The following GXYLT1 variants were observed in gnomAD, a reference collection of about 807,000 sequenced individuals.
GXYLT1 encodes the protein glycosyltransferase 8 domain containing 3.
GXYLT1 carries 29 observed loss-of-function variants against 54.0 expected under a neutral mutation model. That is an observed-to-expected ratio of 0.54 (90% confidence interval 0.40 to 0.73). The LOEUF (loss-of-function observed/expected upper bound fraction) is 0.73, where lower values mean the gene tolerates loss of function less well. Among genes scored for constraint, GXYLT1 ranks in the 30% least tolerant of loss-of-function variants. The pLI is 0.00. For synonymous variants in GXYLT1, 176 were observed against 204.1 expected, an observed-to-expected ratio of 0.86 and a Z score of 1.17; for missense variants, 490 against 553.4, an observed-to-expected ratio of 0.89 and a Z score of 1.15.
chr12:42,139,479 C>G (rs1405917126), intron 1 of GXYLT1, among the ~76,000 whole-genome samples: 2 of 151,978 alleles, frequency 1.3e-5, no homozygotes, highest in African/African-American at 2.4e-5. Context: ...AGTGGGGGGC[C>G]TTATAAAAGG....
At position 42,087,585 on chromosome 12, in the gene GXYLT1, T is replaced by G. The variant is rs770372952; in HGVS notation, c.*201A>C. 6.1e-6 allele frequency: 3 copies of G among 489,216 alleles called. No individual in the cohort carries two copies. Among genetic ancestry groups the G allele is most frequent in the South Asian group, 2.5e-5 (1 of 40,186 alleles). The allele number at this position is 489,216 out of a possible 1,614,324, so 30.3% of individuals were successfully genotyped here. A position where few individuals can be genotyped will look rare whatever the true frequency, so the allele number is the denominator to read the frequency against. On this transcript the variant is annotated 3_prime_UTR_variant, in exon 8 of 8. Coordinates refer to ENST00000398675, the MANE Select transcript of GXYLT1 (RefSeq NM_173601.2). ...AAGTAACATTACAAAACATCAGAGA[T>G]AAAAAATGTTCAATGTTGAGGCCCA...
At chr12:42,101,954 G>A (rs931520710) in intron 5 of GXYLT1, among the ~76,000 whole-genome samples, 17 of 152,160 alleles carry the variant, frequency 1.1e-4, no homozygotes, top group African/African-American at 3.9e-4. Flanking sequence ...AAAGTGTGAA[G>A]AGATATGTCA....
In GXYLT1 at chr12:42,144,455, G is replaced by A. The variant is rs899632278; in HGVS notation, c.192C>T (p.Gly64=). The change falls in exon 1 of 8, where the codon GGC becomes GGT. Residue 64 remains glycine, a synonymous_variant. Transcript: ENST00000398675. ...RGAVRGAGVA[G]PAAHPGVSDR... is the part of the protein sequence containing the mutation. Reference sequence around the variant, plus strand: ...CCGACACGCCGGGATGCGCTGCGGGGCCCGCGACGCCGGCGCCTCTCACGG... The same window carrying A: ...CCGACACGCCGGGATGCGCTGCGGGACCCGCGACGCCGGCGCCTCTCACGG... 15 of 1,274,856 alleles carry A rather than the reference G, an allele frequency of 1.2e-5. No homozygotes were observed. The South Asian group carries it at 1.3e-4, about 11-fold the overall frequency. 79.0% of individuals were successfully genotyped at this position (1,274,856 alleles called of 1,614,324 possible).
intron 2 of GXYLT1, among the ~76,000 whole-genome samples, chr12:42,127,348 T>C (rs1189139023): frequency 9.5e-6 from 1 of 105,034 alleles, no homozygotes; most frequent in Non-Finnish European, 2.1e-5. Flanking sequence ...ACACAAAATG[T>C]TTGCTTTTTT....
chr12:42,092,831 T>A (rs1487567547), intron 7 of GXYLT1, among the ~76,000 whole-genome samples: 2 of 151,716 alleles, frequency 1.3e-5, no homozygotes, highest in Non-Finnish European at 2.9e-5. Context: ...ACACATAAAA[T>A]ACACTAACGC....
rs560482231 is a variant in GXYLT1 at position 42,139,037 on chromosome 12, C to CAA, written c.221+5387_221+5388dup. Among the ~76,000 whole-genome samples, 72 of 129,910 alleles carry CAA rather than the reference C, an allele frequency of 5.5e-4. No individual in the cohort carries two copies. The East Asian group carries it at 0.013, about 24-fold the overall frequency. The allele number at this position is 129,910 out of a possible 152,430, so 85.2% of individuals were successfully genotyped here. On this transcript the variant is annotated intron_variant, in intron 1 of 7. Transcript: ENST00000398675. Reference sequence around the variant, plus strand: ...TGGGCAATGGAGCGAGACTCTGTCTCAAAAAAAAAAAAAGCCAGGTGTGGT... The same window carrying CAA: ...TGGGCAATGGAGCGAGACTCTGTCTCAAAAAAAAAAAAAAAGCCAGGTGTGGT...
intron 3 of GXYLT1, among the ~76,000 whole-genome samples, chr12:42,115,962 C>G (rs148080972): frequency 0.18 from 25,869 of 145,610 alleles, 2,613 homozygotes; most frequent in Non-Finnish European, 0.19. Flanking sequence ...ACAGAGCCCT[C>G]AGAAATAATG....
intron 3 of GXYLT1, among the ~76,000 whole-genome samples, chr12:42,111,758 T>A (rs2065457784): frequency 6.6e-6 from 1 of 152,228 alleles, no homozygotes. Context: ...CAGACTTAAA[T>A]GTCCCTCTCT....
At chr12:42,111,089 C>T (rs2065451343) in intron 3 of GXYLT1, among the ~76,000 whole-genome samples, 1 of 152,248 alleles carries the variant, frequency 6.6e-6, no homozygotes, top group East Asian at 1.9e-4. Context: ...CAGTCTATTA[C>T]TATTCTCTTA....
intron 3 of GXYLT1, among the ~76,000 whole-genome samples, chr12:42,115,406 C>T (rs973588144): frequency 1.3e-5 from 2 of 152,164 alleles, no homozygotes; most frequent in African/African-American, 4.8e-5. Context: ...AAAAACTCCT[C>T]AAGCTGATAA....
At chr12:42,116,388 A>G (rs1035667519) in intron 3 of GXYLT1, among the ~76,000 whole-genome samples, 4 of 152,248 alleles carry the variant, frequency 2.6e-5, no homozygotes, top group Non-Finnish European at 4.4e-5. Context: ...TCATCTGACA[A>G]AGGGCTAATA....
At chr12:42,131,690 T>TGATTA (rs1309406605) in intron 1 of GXYLT1, among the ~76,000 whole-genome samples, 1 of 152,208 alleles carries the variant, frequency 6.6e-6, no homozygotes, top group East Asian at 1.9e-4. Flanking sequence ...ACTTATGACT[T>TGATTA]GATTAGAAAA....
At chr12:42,116,455 C>T (rs2065495581) in intron 3 of GXYLT1, among the ~76,000 whole-genome samples, 1 of 152,058 alleles carries the variant, frequency 6.6e-6, no homozygotes, top group Admixed American at 6.6e-5. Flanking sequence ...ACCCCATCAA[C>T]AAGTGGGCGA....
At chr12:42,134,168 C>G (rs528870562) in intron 1 of GXYLT1, among the ~76,000 whole-genome samples, 15 of 151,854 alleles carry the variant, frequency 9.9e-5, no homozygotes, top group Non-Finnish European at 2.1e-4. Flanking sequence ...CCAATGCACA[C>G]CAGGTCTGGG....
chr12:42,133,082 A>G (rs1372842639), intron 1 of GXYLT1, among the ~76,000 whole-genome samples: 2 of 152,138 alleles, frequency 1.3e-5, no homozygotes, highest in Non-Finnish European at 2.9e-5. Flanking sequence ...CAGGAGTTTG[A>G]GAATGGCCTG....
chr12:42,100,268 T>C (rs996607737), intron 5 of GXYLT1, among the ~76,000 whole-genome samples: 1 of 152,190 alleles, frequency 6.6e-6, no homozygotes, highest in African/African-American at 2.4e-5. Context: ...TGCTACTATG[T>C]AAATTTTTTC....
In GXYLT1 at chr12:42,109,684, T is replaced by G; in HGVS notation, c.494A>C (p.Asn165Thr). The G allele has an allele frequency of 6.6e-7, 1 of 1,517,588 alleles. No individual in the cohort carries two copies. Among genetic ancestry groups the G allele is most frequent in the Non-Finnish European group, 9.0e-7 (1 of 1,115,952 alleles). The allele number at this position is 1,517,588 out of a possible 1,614,324, so 94.0% of individuals were successfully genotyped here. A position where few individuals can be genotyped will look rare whatever the true frequency, so the allele number is the denominator to read the frequency against. Residue 165 changes from asparagine to threonine, a missense_variant, in exon 4 of 8, where the codon AAC (asparagine) becomes ACC (threonine). Physicochemically the swap from Asn to Thr is moderately conservative, Grantham distance 65. Transcript: ENST00000398675. Reference sequence around the variant, plus strand: ...ATTAAATGTTTGTAGAAATGACCAGTTGTCAAGCTAAAACAATTTAAAAAA... The same window carrying G: ...ATTAAATGTTTGTAGAAATGACCAGGTGTCAAGCTAAAACAATTTAAAAAA... The part of the protein sequence containing the change: ...LHHSFKGRLD[N>T]WSFLQTFNYT...
At chr12:42,135,823 C>G (rs193142559) in intron 1 of GXYLT1, among the ~76,000 whole-genome samples, 20 of 152,212 alleles carry the variant, frequency 1.3e-4, no homozygotes, top group African/African-American at 4.8e-4. Flanking sequence ...GTTACTGTTA[C>G]TGGATACAGG....
intron 3 of GXYLT1, among the ~76,000 whole-genome samples, chr12:42,113,116 G>C (rs1307435751): frequency 6.6e-6 from 1 of 151,010 alleles, no homozygotes; most frequent in Non-Finnish European, 1.5e-5. Context: ...TGCCCTAAAA[G>C]AGCTCCTGAA....
Sources: gnomAD v4.1 joint callset for allele counts (sites outside exome capture counted in the v4.1 genomes callset) on GRCh38, gnomAD v4.1.1 for gene constraint, MANE v1.5 for transcripts, NCBI Gene and HGNC (gene_info 2026-07-23, HGNC 2026-07-21) for gene names.